The following ATP2C2 variants were observed in gnomAD, a reference collection of about 807,000 sequenced individuals.
ATP2C2 encodes calcium-transporting ATPase type 2C member 2.
In ATP2C2, 171 loss-of-function variants were observed where a neutral mutation model predicts 110.8. The observed-to-expected ratio is 1.54, with a 90% confidence interval of 1.36 to 1.75. The LOEUF (loss-of-function observed/expected upper bound fraction) is 1.75, where lower values mean the gene tolerates loss of function less well. Among genes scored for constraint, ATP2C2 ranks in the 40% most tolerant of loss-of-function variants. The pLI is 0.00. For missense variants in ATP2C2, 1,963 were observed against 1,235.0 expected, an observed-to-expected ratio of 1.59 and a Z score of -8.84; for synonymous variants, 804 against 508.4, an observed-to-expected ratio of 1.58 and a Z score of -7.82.
In ATP2C2 at chr16:84,368,540, G is replaced by A; in HGVS notation, c.-76G>A. 1.7e-6 allele frequency: 2 copies of A among 1,191,374 alleles called. No individual in the cohort carries two copies. The highest frequency in any genetic ancestry group is 2.4e-6 in the Non-Finnish European group (2 of 844,006). The allele number at this position is 1,191,374 out of a possible 1,614,324, so 73.8% of individuals were successfully genotyped here. On this transcript the variant is annotated 5_prime_UTR_variant, in exon 1 of 27. Coordinates refer to ENST00000262429, the MANE Select transcript of ATP2C2 (RefSeq NM_014861.4). Reference sequence around the variant, plus strand: ...TACCTGGTAACCGGGTCCGGCCCAGGAGGCTTGGGCGCGCGCAGCCATCCC... The same window carrying A: ...TACCTGGTAACCGGGTCCGGCCCAGAAGGCTTGGGCGCGCGCAGCCATCCC...
chr16:84,408,469 A>T lies in ATP2C2; in HGVS notation c.392A>T (p.Tyr131Phe), dbSNP rs764721006. 6 of 1,613,620 alleles carry T rather than the reference A, an allele frequency of 3.7e-6. No individual in the cohort carries two copies. The Admixed American group carries it at 1.0e-4, about 27-fold the overall frequency. Residue 131 changes from tyrosine (Y) to phenylalanine (F), a missense_variant, in exon 4 of 27, where the codon TAT becomes TTT. Tyr to Phe is a conservative substitution (Grantham distance 22). Transcript: ENST00000262429. ...CTGGTGAGTGTCCTCACCAAGGAGT[A>T]TGAGGACGCCGTCAGCATCGCCACG... ...SALVSVLTKEYEDAVSIATAV... is the reference protein window; with the variant it reads ...SALVSVLTKEFEDAVSIATAV...
intron 6 of ATP2C2, chr16:84,411,002 A>T: frequency 3.5e-6 from 2 of 563,722 alleles, no homozygotes; most frequent in Non-Finnish European, 3.2e-6. Context: ...CAGGGTGCCT[A>T]GCCTGAGGAC....
At chr16:84,453,472 C>T (rs924558263) in intron 20 of ATP2C2, 101 bp downstream of exon 20, 64 of 1,478,658 alleles carry the variant, frequency 4.3e-5, no homozygotes, top group South Asian at 3.2e-4. Flanking sequence ...GTGCAGGGCC[C>T]GACCGTGGCT....
Position 84,368,585 on chromosome 16 carries a change from G to C in ATP2C2, c.-31G>C, listed in dbSNP as rs761232764. ...CATCCCGGGCCTCGCCGGGGACCTA[G>C]GGACGCAGGCAACGCCTGCGCCCGC... is the stretch of plus-strand genomic sequence containing the variant. On this transcript the variant is annotated 5_prime_UTR_variant, in exon 1 of 27. Coordinates refer to ENST00000262429, the MANE Select transcript of ATP2C2 (RefSeq NM_014861.4). 1.0e-5 allele frequency: 15 copies of C among 1,505,874 alleles called. No individual in the cohort carries two copies. The South Asian group carries it at 1.5e-4, about 16-fold the overall frequency. 93.3% of individuals were successfully genotyped at this position (1,505,874 alleles called of 1,614,324 possible).
rs12926821 is a variant in ATP2C2, at chr16:84,460,759, G to A, written c.2439G>A (p.Ala813=). The A allele has an allele frequency of 2.7e-5, 43 of 1,613,896 alleles. No individual in the cohort carries two copies. The highest frequency in any genetic ancestry group is 1.0e-4 in the Admixed American group (6 of 59,998). The change falls in exon 24 of 27, where the codon GCG becomes GCA. Residue 813 remains alanine (A), a synonymous_variant. Coordinates refer to ENST00000262429, the MANE Select transcript of ATP2C2 (RefSeq NM_014861.4). ...TCATCCTGAAGATCCTCATGTCCGC[G>A]GCCATCATCATCAGCGGGACCCTCT... ...RALILKILMS[A]AIIISGTLFI... is the part of the protein sequence containing the mutation.
At chr16:84,460,630 G>C in intron 23 of ATP2C2, 24 bp from the exon 24 acceptor site, 4 of 1,614,164 alleles carry the variant, frequency 2.5e-6, no homozygotes, top group South Asian at 1.1e-5. Flanking sequence ...TCATTTCAAA[G>C]TGTCTGTGTC....
intron 7 of ATP2C2, among the ~76,000 whole-genome samples, chr16:84,418,867 CCTT>C (rs570950725): frequency 1.8e-4 from 27 of 152,216 alleles, no homozygotes; most frequent in African/African-American, 6.3e-4. Context: ...TATGGTCTGA[CCTT>C]CTGGAGGTCA....
chr16:84,372,847 GC>G lies in ATP2C2; in HGVS notation c.99+4134del, dbSNP rs561369261. 9.2e-5 allele frequency among the ~76,000 whole-genome samples: 14 copies of G among 152,158 alleles called. No homozygotes were observed. In the South Asian group the frequency reaches 1.5e-3, roughly 16 times the overall value. ...AAATCAGGTTCAATTTAGGCCTGTTGCGGTGACTCACTCCTGTTTTCCCAGC... is the reference window on the plus strand; with the variant it reads ...AAATCAGGTTCAATTTAGGCCTGTTGGGTGACTCACTCCTGTTTTCCCAGC... On this transcript the variant is annotated intron_variant, in intron 1 of 26. Coordinates refer to ENST00000262429, the MANE Select transcript of ATP2C2 (RefSeq NM_014861.4).
At chr16:84,374,845 G>A (rs4782936) in intron 1 of ATP2C2, among the ~76,000 whole-genome samples, 50,362 of 151,992 alleles carry the variant, frequency 0.33, 9,117 homozygotes, top group East Asian at 0.46. Context: ...TGAAAGACCC[G>A]AGAGTTTGGG....
intron 15 of ATP2C2, among the ~76,000 whole-genome samples, chr16:84,443,283 C>G (rs1020585115): frequency 4.6e-5 from 7 of 152,336 alleles, no homozygotes; most frequent in African/African-American, 1.7e-4. Context: ...TGGCCCCGGT[C>G]AGCTCCCACG....
At chr16:84,381,231 A>G (rs1037028124) in intron 1 of ATP2C2, among the ~76,000 whole-genome samples, 1 of 152,216 alleles carries the variant, frequency 6.6e-6, no homozygotes, top group Admixed American at 6.5e-5. Context: ...TACAAAGTAC[A>G]TTGATCAGTT....
chr16:84,400,862 T>A (rs1434883733), intron 2 of ATP2C2, among the ~76,000 whole-genome samples: 1 of 152,246 alleles, frequency 6.6e-6, no homozygotes, highest in East Asian at 1.9e-4. Flanking sequence ...CATTCATATG[T>A]CTTCTTTTGA....
chr16:84,452,004 G>A lies in ATP2C2; in HGVS notation c.1744G>A (p.Val582Met), dbSNP rs62640927. Reference protein sequence around the residue: ...VGIIDPPRVGVKEAVQVLSES... With the variant: ...VGIIDPPRVGMKEAVQVLSES... The stretch of plus-strand genomic sequence containing the variant: ...CATCATTGACCCCCCGAGAGTTGGC[G>A]TGAAGGAAGCAGTCCAGGTTCTCTC... Residue 582 changes from valine to methionine, a missense_variant, in exon 18 of 27, where the codon GTG (valine) becomes ATG (methionine). By Grantham distance (21) the Val-to-Met change is conservative. Transcript: ENST00000262429. The A allele has an allele frequency of 5.3e-4, 861 of 1,613,896 alleles. 3 individuals carry two copies. In the African/African-American group the frequency reaches 7.2e-3, roughly 13 times the overall value.
intron 4 of ATP2C2, among the ~76,000 whole-genome samples, chr16:84,409,520 C>CT (rs1262520642): frequency 6.6e-6 from 1 of 150,726 alleles, no homozygotes; most frequent in Non-Finnish European, 1.5e-5. Context: ...ATTTTTTTTT[C>CT]TTTTTTTGAG....
intron 1 of ATP2C2, among the ~76,000 whole-genome samples, chr16:84,382,281 C>A (rs1030507073): frequency 7.9e-5 from 12 of 152,180 alleles, no homozygotes; most frequent in African/African-American, 2.9e-4. Context: ...TGATGGTTTC[C>A]AGCTTCATCC....
chr16:84,452,809 C>T lies in ATP2C2; in HGVS notation c.1832-329C>T, dbSNP rs1481924735. The stretch of plus-strand genomic sequence containing the variant: ...CCACTGCGCCCAGCCCCTCTAGTTA[C>T]TATTATATGGGTGGTCTCAGCCTGG... On this transcript the variant is annotated intron_variant, in intron 18 of 26. Coordinates refer to ENST00000262429, the MANE Select transcript of ATP2C2 (RefSeq NM_014861.4). 2.6e-5 allele frequency among the ~76,000 whole-genome samples: 4 copies of T among 152,076 alleles called. No individual in the cohort carries two copies. In the East Asian group the frequency reaches 7.7e-4, roughly 29 times the overall value.
intron 1 of ATP2C2, among the ~76,000 whole-genome samples, chr16:84,372,476 C>A (rs1442616760): frequency 6.6e-6 from 1 of 152,138 alleles, no homozygotes; most frequent in Admixed American, 6.5e-5. Flanking sequence ...CCCTGTCACC[C>A]AGGCTGGAGT....
At chr16:84,434,684 A>G (rs1908586750) in intron 11 of ATP2C2, among the ~76,000 whole-genome samples, 1 of 151,226 alleles carries the variant, frequency 6.6e-6, no homozygotes, top group South Asian at 2.1e-4. Flanking sequence ...ACACCCGGCT[A>G]ATTTTTGTAT....
rs753810460 is a variant in ATP2C2, at chr16:84,425,817, C to A, written c.986+16C>A. The A allele has an allele frequency of 1.9e-6, 3 of 1,613,530 alleles. No individual in the cohort carries two copies. The Admixed American group carries it at 5.0e-5, about 27-fold the overall frequency. ...TCGGGGTCAGGTAAGAGTGCTATGG[C>A]CGCCCCTTGCCTTGCCAGGGTGGTC... On this transcript the variant is annotated intron_variant, in intron 11 of 26. Coordinates refer to ENST00000262429, the MANE Select transcript of ATP2C2 (RefSeq NM_014861.4).
Sources: gnomAD v4.1 joint callset for allele counts (sites outside exome capture counted in the v4.1 genomes callset) on GRCh38, gnomAD v4.1.1 for gene constraint, MANE v1.5 for transcripts, NCBI Gene and HGNC (gene_info 2026-07-23, HGNC 2026-07-21) for gene names.